C11orf42: variants seen among roughly 807,000 people sequenced by gnomAD.
C11orf42 encodes chromosome 11 open reading frame 42.
In C11orf42, 24 loss-of-function variants were observed where a neutral mutation model predicts 27.9. The observed-to-expected ratio is 0.86, with a 90% CI of 0.62 to 1.21. C11orf42 has a LOEUF of 1.21. Ranked by LOEUF, C11orf42 falls within the 50% of genes most tolerant of loss-of-function variation. The pLI is 0.00. For synonymous variants in C11orf42, 187 were observed against 180.8 expected (o/e 1.03, Z -0.28); for missense variants, 455 against 424.1 (o/e 1.07, Z -0.64).
chr11:6,205,721 C>T (rs375019834), intron 1 of C11orf42, 34 bp downstream of exon 1: 16 of 1,572,770 alleles, frequency 1.0e-5, no homozygotes, highest in South Asian at 2.2e-5. Flanking sequence ...GAGGAAGCAA[C>T]GAAGTGTGAC....
chr11:6,205,584 ACTGCC>A lies in C11orf42; in HGVS notation c.-25_-21del. The A allele has an allele frequency of 6.3e-7, 1 of 1,589,746 alleles. No individual in the cohort carries two copies. The highest frequency in any genetic ancestry group is 8.6e-7 in the Non-Finnish European group (1 of 1,160,562). Reference sequence around the variant, plus strand: ...GCTGCCTGGGGTTCCTGCAGCAGCCACTGCCCTGCCCAATCCCTCCCATACCCCAC... The same window carrying A: ...GCTGCCTGGGGTTCCTGCAGCAGCCACTGCCCAATCCCTCCCATACCCCAC... On this transcript the variant is annotated 5_prime_UTR_variant, in exon 1 of 3. Coordinates refer to ENST00000316375, the MANE Select transcript of C11orf42 (RefSeq NM_173525.3).
Position 6,210,294 on chromosome 11 carries a change from C to A in C11orf42, c.517C>A (p.Leu173Met). The A allele has an allele frequency of 6.2e-7, 1 of 1,614,214 alleles. No homozygotes were observed. The stretch of plus-strand genomic sequence containing the variant: ...GGTCTTCTCTTGTTCCTGGCTGCAG[C>A]TGGGGCTGACGTCTACAGCCCGTGA... Reference protein sequence around the residue: ...YQVFSCSWLQLGLTSTAREPQ... With the variant: ...YQVFSCSWLQMGLTSTAREPQ... Residue 173 changes from leucine to methionine, a missense_variant, in exon 2 of 3, where the codon CTG becomes ATG. Coordinates refer to ENST00000316375, the MANE Select transcript of C11orf42 (RefSeq NM_173525.3). The surrounding 1 kb of genome is among the most constrained non-coding windows in gnomAD (Gnocchi z 4.0).
intron 1 of C11orf42, among the ~76,000 whole-genome samples, chr11:6,207,200 A>G (rs1846988820): frequency 6.6e-6 from 1 of 152,244 alleles, no homozygotes; most frequent in Admixed American, 6.5e-5. Flanking sequence ...TACCAAGAAC[A>G]CAGTCTCCCT....
At chr11:6,208,697 G>T (rs184193630) in intron 1 of C11orf42, among the ~76,000 whole-genome samples, 1 of 152,260 alleles carries the variant, frequency 6.6e-6, no homozygotes, top group African/African-American at 2.4e-5. Context: ...AAAGTGCTGG[G>T]ATTATAGGCA....
intron 1 of C11orf42, among the ~76,000 whole-genome samples, chr11:6,208,433 A>C (rs1847003853): frequency 6.6e-6 from 1 of 152,174 alleles, no homozygotes; most frequent in Admixed American, 6.5e-5. Flanking sequence ...TCACCTAAGA[A>C]GAATCCTTAA....
chr11:6,208,560 G>T (rs1013875900), intron 1 of C11orf42, among the ~76,000 whole-genome samples: 1 of 152,116 alleles, frequency 6.6e-6, no homozygotes, highest in Admixed American at 6.6e-5. Context: ...ATGAGTAGCT[G>T]GGATTACAGG....
intron 1 of C11orf42, among the ~76,000 whole-genome samples, chr11:6,205,915 G>A (rs190353709): frequency 2.0e-5 from 3 of 152,278 alleles, no homozygotes; most frequent in Non-Finnish European, 4.4e-5. Context: ...AACGTATAGG[G>A]AATTATGAGC....
rs961999202 is a variant in C11orf42 at position 6,210,858 on chromosome 11, G to GA, written c.872-54_872-53insA. The GA allele has an allele frequency of 6.6e-7, 1 of 1,510,984 alleles. No individual in the cohort carries two copies. The highest frequency in any genetic ancestry group is 1.5e-5 in the African/African-American group (1 of 66,974). 93.6% of individuals were successfully genotyped at this position (1,510,984 alleles called of 1,614,324 possible). A position where few individuals can be genotyped will look rare whatever the true frequency, so the allele number is the denominator to read the frequency against. On this transcript the variant is annotated intron_variant, in intron 2 of 2. Coordinates refer to ENST00000316375, the MANE Select transcript of C11orf42 (RefSeq NM_173525.3). This position sits in a 1 kb window ranked among gnomAD's most constrained non-coding sequence, Gnocchi z 4.0. ...CACAGAGGACCAGAGGGAAAAGCTA[G>GA]GGGGGGAAAAGACCAGCCATGAGTC...
Position 6,210,860 on chromosome 11 carries a change from G to T in C11orf42, c.872-52G>T, listed in dbSNP as rs1258670450. 8 of 1,529,348 alleles carry T rather than the reference G, an allele frequency of 5.2e-6. No homozygotes were observed. The highest frequency in any genetic ancestry group is 2.3e-5 in the Admixed American group (1 of 43,174). 94.7% of individuals were successfully genotyped at this position (1,529,348 alleles called of 1,614,324 possible). On this transcript the variant is annotated intron_variant, in intron 2 of 2. Coordinates refer to ENST00000316375, the MANE Select transcript of C11orf42 (RefSeq NM_173525.3). The surrounding 1 kb of genome is among the most constrained non-coding windows in gnomAD (Gnocchi z 4.0). ...CAGAGGACCAGAGGGAAAAGCTAGG[G>T]GGGGAAAAGACCAGCCATGAGTCAA...
Position 6,210,323 on chromosome 11 carries a change from C to A in C11orf42, c.546C>A (p.Pro182=). 1 of 1,614,192 alleles carries A rather than the reference C, an allele frequency of 6.2e-7. No homozygotes were observed. Among genetic ancestry groups the A allele is most frequent in the Non-Finnish European group, 8.5e-7 (1 of 1,180,036 alleles). ...QLGLTSTARE[P]QLLRLLRSLP... ...GGCTGACGTCTACAGCCCGTGAGCC[C>A]CAGCTCCTCCGGCTACTTCGGTCAT... The change falls in exon 2 of 3, where the codon CCC becomes CCA. Residue 182 remains proline (P), a synonymous_variant. Transcript: ENST00000316375. This position sits in a 1 kb window ranked among gnomAD's most constrained non-coding sequence, Gnocchi z 4.0.
At position 6,210,558 on chromosome 11, in the gene C11orf42, C is replaced by A; in HGVS notation, c.781C>A (p.Pro261Thr). The A allele has an allele frequency of 1.2e-6, 2 of 1,613,918 alleles. No homozygotes were observed. The highest frequency in any genetic ancestry group is 1.7e-4 in the Middle Eastern group (1 of 6,058). The change falls in exon 2 of 3, where the codon CCA becomes ACA. Residue 261 changes from proline (P) to threonine (T), a missense_variant. Transcript: ENST00000316375. The surrounding 1 kb of genome is among the most constrained non-coding windows in gnomAD (Gnocchi z 4.0). ...CCCACCTGTCCCAGCCCCACCTACG[C>A]CACCTCCCCAGGAAGGGCCAGAGGA... ...VPPPVPAPPT[P>T]PPQEGPEDKP...
intron 1 of C11orf42, among the ~76,000 whole-genome samples, chr11:6,207,418 T>A (rs1846991335): frequency 2.0e-5 from 3 of 152,240 alleles, no homozygotes; most frequent in Non-Finnish European, 4.4e-5. Flanking sequence ...GTCACACTCC[T>A]ATCAGAGGGG....
intron 1 of C11orf42, among the ~76,000 whole-genome samples, 179 bp from the exon 2 acceptor site, chr11:6,209,667 TTAGA>T (rs1053801543): frequency 1.3e-5 from 2 of 152,244 alleles, no homozygotes; most frequent in Admixed American, 6.5e-5. Flanking sequence ...TTCCCAGTAC[TTAGA>T]TAGTTTGACA....
At chr11:6,206,027 A>T (rs1304367292) in intron 1 of C11orf42, among the ~76,000 whole-genome samples, 1 of 152,172 alleles carries the variant, frequency 6.6e-6, no homozygotes, top group Non-Finnish European at 1.5e-5. Context: ...TCACACAAAG[A>T]GGGAGAGGAG....
chr11:6,208,394 T>C (rs574452919), intron 1 of C11orf42, among the ~76,000 whole-genome samples: 1 of 152,302 alleles, frequency 6.6e-6, no homozygotes, highest in East Asian at 1.9e-4. Context: ...TAACCTACTA[T>C]TGATTAAAGA....
Position 6,210,500 on chromosome 11 carries a change from A to T in C11orf42, c.723A>T (p.Ala241=). ...TGCCGCCTCTGGCCCCCACATCAGC[A>T]CCTGCTGATACAACTGAAGCTGCTG... The part of the protein sequence containing the change: ...SIMPPLAPTS[A]PADTTEAADV... The change falls in exon 2 of 3, where the codon GCA becomes GCT. Residue 241 remains alanine (A), a synonymous_variant. Transcript: ENST00000316375. This position sits in a 1 kb window ranked among gnomAD's most constrained non-coding sequence, Gnocchi z 4.0. 1 of 1,613,484 alleles carries T rather than the reference A, an allele frequency of 6.2e-7. No individual in the cohort carries two copies. The highest frequency in any genetic ancestry group is 8.5e-7 in the Non-Finnish European group (1 of 1,179,700).
In C11orf42 at chr11:6,210,003, C is replaced by T. The variant is rs1171271335; in HGVS notation, c.226C>T (p.Pro76Ser). The stretch of plus-strand genomic sequence containing the variant: ...TCGGCAGGGCCGGAGGGCACTGAAA[C>T]CAGTGGGGCCACTACCAAGCCTCCT... ...PGRQGRRALK[P>S]VGPLPSLLEQ... Residue 76 changes from proline (P) to serine (S), a missense_variant, in exon 2 of 3, where the codon CCA becomes TCA. Pro to Ser is a moderately conservative substitution (Grantham distance 74). Transcript: ENST00000316375. The surrounding 1 kb of genome is among the most constrained non-coding windows in gnomAD (Gnocchi z 4.0). 7 of 1,614,002 alleles carry T rather than the reference C, an allele frequency of 4.3e-6. No homozygotes were observed. The highest frequency in any genetic ancestry group is 5.9e-6 in the Non-Finnish European group (7 of 1,179,954).
rs755731426 is a variant in C11orf42 at position 6,210,612 on chromosome 11, C to T, written c.835C>T (p.Arg279Ter). 16 of 1,614,102 alleles carry T rather than the reference C, an allele frequency of 9.9e-6. No homozygotes were observed. The highest frequency in any genetic ancestry group is 1.0e-5 in the Non-Finnish European group (12 of 1,180,010). ...ACCCACCAGATTCTCCTACAAGGGCCGAAACCCCTTCTGGAGGGGGCCCCA... is the reference window on the plus strand; with the variant it reads ...ACCCACCAGATTCTCCTACAAGGGCTGAAACCCCTTCTGGAGGGGGCCCCA... ...DKPTRFSYKG[R>*]NPFWRGPQIL... Residue 279 changes from arginine (R) to a stop codon, truncating the protein, a stop_gained, in exon 2 of 3, where the codon CGA becomes TGA. Coordinates refer to ENST00000316375, the MANE Select transcript of C11orf42 (RefSeq NM_173525.3). LOFTEE classifies it high-confidence loss of function. The surrounding 1 kb of genome is among the most constrained non-coding windows in gnomAD (Gnocchi z 4.0).
At chr11:6,208,199 A>G (rs1262934549) in intron 1 of C11orf42, among the ~76,000 whole-genome samples, 1 of 151,746 alleles carries the variant, frequency 6.6e-6, no homozygotes, top group Non-Finnish European at 1.5e-5. Flanking sequence ...CAAACAAACA[A>G]ACAAACAAAC....
Sources: allele counts gnomAD v4.1 joint callset (sites outside exome capture counted in the v4.1 genomes callset), GRCh38; gene constraint gnomAD v4.1.1; non-coding constraint Gnocchi (gnomAD v3.1); transcripts MANE v1.5; gene names NCBI Gene and HGNC (gene_info 2026-07-23, HGNC 2026-07-21).